Variants in SUSD4 observed in about 807,000 individuals in gnomAD.
SUSD4 encodes sushi domain containing 4, also known as sushi domain-containing protein 4.
SUSD4 carries 41 observed loss-of-function variants against 50.5 expected under a neutral mutation model. That is an observed-to-expected ratio of 0.81 (90% CI 0.63 to 1.05). SUSD4 has a LOEUF of 1.05. Ranked by LOEUF, SUSD4 falls within the 50% of genes least tolerant of loss-of-function variation. The pLI, the probability that SUSD4 is intolerant of heterozygous loss-of-function variation, is 0.00. For synonymous variants in SUSD4, 257 were observed against 257.3 expected, an observed-to-expected ratio of 1.00 and a Z score of 0.01; for missense variants, 580 against 634.7, an observed-to-expected ratio of 0.91 and a Z score of 0.93.
chr1:223,358,153 A>G (rs1668769258), intron 2 of SUSD4, among the ~76,000 whole-genome samples: 1 of 152,240 alleles, frequency 6.6e-6, no homozygotes, highest in Non-Finnish European at 1.5e-5. Flanking sequence ...AACTTTTGAG[A>G]AGACACCAAC....
chr1:223,240,268 T>A (rs945907555), intron 5 of SUSD4, among the ~76,000 whole-genome samples: 1 of 152,182 alleles, frequency 6.6e-6, no homozygotes, highest in Non-Finnish European at 1.5e-5. Flanking sequence ...TTGTTTTAGT[T>A]TTTTTGTTTT....
rs549033740 is a variant in SUSD4 at position 223,363,428 on chromosome 1, T to C, written c.-3A>G. 30 of 1,548,650 alleles carry C rather than the reference T, an allele frequency of 1.9e-5. No individual in the cohort carries two copies. The Admixed American group carries it at 4.3e-4, about 22-fold the overall frequency. Reference sequence around the variant, plus strand: ...CTCGGGTTCATTCCATGATACATCTTTCATCCACAGAGGGCATCCAGCTTG... The same window carrying C: ...CTCGGGTTCATTCCATGATACATCTCTCATCCACAGAGGGCATCCAGCTTG... On this transcript the variant is annotated 5_prime_UTR_variant, in exon 2 of 9. Coordinates refer to ENST00000366878, the MANE Select transcript of SUSD4 (RefSeq NM_017982.4).
At position 223,221,988 on chromosome 1, in the gene SUSD4, T is replaced by C. The variant is rs1408662643; in HGVS notation, c.*204A>G. The stretch of plus-strand genomic sequence containing the variant: ...TGCCCCGGTTCCCCATGGGTCTTGG[T>C]GAATCCTCAAATCTCATTTAAAAGC... On this transcript the variant is annotated 3_prime_UTR_variant, in exon 9 of 9. Transcript: ENST00000366878. 7.2e-6 allele frequency: 4 copies of C among 556,170 alleles called. No individual in the cohort carries two copies. Among genetic ancestry groups the C allele is most frequent in the Admixed American group, 6.9e-5 (2 of 29,092 alleles). 34.5% of individuals were successfully genotyped at this position (556,170 alleles called of 1,614,324 possible).
At chr1:223,322,662 G>C (rs1666645144) in intron 2 of SUSD4, among the ~76,000 whole-genome samples, 1 of 152,092 alleles carries the variant, frequency 6.6e-6, no homozygotes, top group Admixed American at 6.5e-5. Context: ...ATGTGTGTCT[G>C]TTGACATGTA....
intron 3 of SUSD4, among the ~76,000 whole-genome samples, chr1:223,279,896 G>T (rs933591719): frequency 7.2e-5 from 11 of 152,166 alleles, no homozygotes; most frequent in African/African-American, 2.7e-4. Context: ...TCTCTCGGCA[G>T]AAACTATGAG....
intron 2 of SUSD4, among the ~76,000 whole-genome samples, chr1:223,301,355 A>G (rs1194769652): frequency 1.3e-5 from 2 of 152,232 alleles, no homozygotes; most frequent in African/African-American, 4.8e-5. Context: ...GTCAGTTCTC[A>G]AACATCTATT....
chr1:223,334,104 G>A (rs1262585324), intron 2 of SUSD4, among the ~76,000 whole-genome samples: 1 of 152,084 alleles, frequency 6.6e-6, no homozygotes, highest in African/African-American at 2.4e-5. Flanking sequence ...GGCAACCTAT[G>A]AGGAAATACA....
intron 5 of SUSD4, among the ~76,000 whole-genome samples, chr1:223,239,494 T>C (rs972782205): frequency 6.6e-6 from 1 of 152,148 alleles, no homozygotes; most frequent in African/African-American, 2.4e-5. Context: ...TTACATTTTC[T>C]CTCCTGTCTT....
intron 5 of SUSD4, among the ~76,000 whole-genome samples, chr1:223,253,343 A>G (rs941381923): frequency 6.6e-6 from 1 of 152,164 alleles, no homozygotes; most frequent in African/African-American, 2.4e-5. Context: ...CAGTACAAAA[A>G]AAAAAAGAAA....
rs537967417 is a variant in SUSD4, at chr1:223,346,838, G to T, written c.148+16440C>A. 2.6e-5 allele frequency among the ~76,000 whole-genome samples: 4 copies of T among 152,218 alleles called. No individual in the cohort carries two copies. In the East Asian group the frequency reaches 7.7e-4, roughly 29 times the overall value. On this transcript the variant is annotated intron_variant, in intron 2 of 8. Coordinates refer to ENST00000366878, the MANE Select transcript of SUSD4 (RefSeq NM_017982.4). ...ACATTTCTTGCTATATTGCTGGTCTGTCTCCAAAACATGCCCTTGGTCCAG... is the reference window on the plus strand; with the variant it reads ...ACATTTCTTGCTATATTGCTGGTCTTTCTCCAAAACATGCCCTTGGTCCAG...
At chr1:223,252,373 G>C (rs1274931518) in intron 5 of SUSD4, among the ~76,000 whole-genome samples, 1 of 151,780 alleles carries the variant, frequency 6.6e-6, no homozygotes, top group Non-Finnish European at 1.5e-5. Flanking sequence ...ACAAGCCATC[G>C]AACGCCAAGG....
At chr1:223,281,237 C>G (rs1663701536) in intron 3 of SUSD4, among the ~76,000 whole-genome samples, 1 of 152,168 alleles carries the variant, frequency 6.6e-6, no homozygotes, top group South Asian at 2.1e-4. Flanking sequence ...TAACTAAGAT[C>G]AGAGGAGAAC....
chr1:223,246,582 T>G lies in SUSD4; in HGVS notation c.725-17194A>C, dbSNP rs1336303152. On this transcript the variant is annotated intron_variant, in intron 5 of 8. Coordinates refer to ENST00000366878, the MANE Select transcript of SUSD4 (RefSeq NM_017982.4). ...GCAGTCATTCAGGAGGAGAAAGATG[T>G]GATCTTCCACATGAGTGGAAGGAGG... Among the ~76,000 whole-genome samples, 3 of 151,368 alleles carry G rather than the reference T, an allele frequency of 2.0e-5. No individual in the cohort carries two copies. The South Asian group carries it at 6.3e-4, about 32-fold the overall frequency.
At chr1:223,289,853 T>G (rs1019911191) in intron 3 of SUSD4, among the ~76,000 whole-genome samples, 2 of 152,200 alleles carry the variant, frequency 1.3e-5, no homozygotes, top group African/African-American at 4.8e-5. Context: ...GGGGCTGTTG[T>G]GACATAAACA....
rs534470336 is a variant in SUSD4 at position 223,243,276 on chromosome 1, G to T, written c.725-13888C>A. On this transcript the variant is annotated intron_variant, in intron 5 of 8. Coordinates refer to ENST00000366878, the MANE Select transcript of SUSD4 (RefSeq NM_017982.4). ...CACGGGTTTAAGGAAGCAGGGCTGGGCTGCCCGCCTTGCCCTGGATGACCC... is the reference window on the plus strand; with the variant it reads ...CACGGGTTTAAGGAAGCAGGGCTGGTCTGCCCGCCTTGCCCTGGATGACCC... 2.0e-5 allele frequency among the ~76,000 whole-genome samples: 3 copies of T among 152,326 alleles called. No individual in the cohort carries two copies. In the East Asian group the frequency reaches 5.8e-4, roughly 29 times the overall value.
At position 223,239,625 on chromosome 1, in the gene SUSD4, T is replaced by A. The variant is rs532322489; in HGVS notation, c.725-10237A>T. Reference sequence around the variant, plus strand: ...TCACAATGCCACTTCACAGGTAGTATGAGTACCTTATAATTACAAAATGAT... The same window carrying A: ...TCACAATGCCACTTCACAGGTAGTAAGAGTACCTTATAATTACAAAATGAT... On this transcript the variant is annotated intron_variant, in intron 5 of 8. Transcript: ENST00000366878. Among the ~76,000 whole-genome samples the A allele has an allele frequency of 2.0e-5, 3 of 152,212 alleles. No homozygotes were observed. The East Asian group carries it at 5.8e-4, about 29-fold the overall frequency.
chr1:223,289,853 T>A (rs1019911191), intron 3 of SUSD4, among the ~76,000 whole-genome samples: 5 of 152,318 alleles, frequency 3.3e-5, no homozygotes. Flanking sequence ...GGGGCTGTTG[T>A]GACATAAACA....
rs1201157434 is a variant in SUSD4 at position 223,220,847 on chromosome 1, A to C, written c.*1345T>G. ...AAACTGTCATTTTCTTTTAATTTTTAATCAGTCTGTGTCAAGAAGAAACAG... is the reference window on the plus strand; with the variant it reads ...AAACTGTCATTTTCTTTTAATTTTTCATCAGTCTGTGTCAAGAAGAAACAG... On this transcript the variant is annotated 3_prime_UTR_variant, in exon 9 of 9. Transcript: ENST00000366878. The C allele has an allele frequency of 2.5e-6, 1 of 394,032 alleles. No homozygotes were observed. The highest frequency in any genetic ancestry group is 4.5e-6 in the Non-Finnish European group (1 of 223,300). 24.4% of individuals were successfully genotyped at this position (394,032 alleles called of 1,614,324 possible).
chr1:223,319,810 T>G (rs72745919), intron 2 of SUSD4, among the ~76,000 whole-genome samples: 24,546 of 152,252 alleles, frequency 0.16, 2,360 homozygotes, highest in South Asian at 0.24. Flanking sequence ...AAGAAAGTAA[T>G]GCTTAGGAGC....
Sources: allele counts gnomAD v4.1 joint callset (sites outside exome capture counted in the v4.1 genomes callset), GRCh38; gene constraint gnomAD v4.1.1; transcripts MANE v1.5; gene names NCBI Gene and HGNC (gene_info 2026-07-23, HGNC 2026-07-21).